CEP112: variants seen among roughly 807,000 people sequenced by gnomAD.
CEP112 encodes the protein centrosomal protein of 112 kDa.
A neutral mutation model predicts 153.0 loss-of-function variants in CEP112; 127 were observed. The ratio of observed to expected loss-of-function variants is 0.83; its 90% CI spans 0.72 to 0.96. CEP112 has a LOEUF of 0.96. CEP112 is among the 40% of genes least tolerant of loss of function. The pLI, the probability that CEP112 is intolerant of heterozygous loss-of-function variation, is 0.00. For missense variants in CEP112, 1,089 were observed against 1,101.2 expected (o/e 0.99, Z 0.16); for synonymous variants, 358 against 374.4 (o/e 0.96, Z 0.51).
chr17:65,750,316 A>G (rs1172955056), intron 22 of CEP112, among the ~76,000 whole-genome samples: 1 of 152,242 alleles, frequency 6.6e-6, no homozygotes, highest in East Asian at 1.9e-4. Context: ...CAAACTGCTT[A>G]CATCACAAAT....
At chr17:65,717,975 TTTCTC>T (rs1046584931) in intron 23 of CEP112, among the ~76,000 whole-genome samples, 4 of 152,290 alleles carry the variant, frequency 2.6e-5, no homozygotes, top group African/African-American at 9.6e-5. Context: ...TCTGATAACT[TTTCTC>T]TATTAATATA....
At position 66,161,383 on chromosome 17, in the gene CEP112, G is replaced by A. The variant is rs549058913; in HGVS notation, c.470+13661C>T. Among the ~76,000 whole-genome samples, 13 of 152,118 alleles carry A rather than the reference G, an allele frequency of 8.5e-5. No homozygotes were observed. In the East Asian group the frequency reaches 1.4e-3, roughly 16 times the overall value. ...TTCTACTATAAAGATACATGCACAC[G>A]TATGTTTATTTCTGCACTGTTCACA... On this transcript the variant is annotated intron_variant, in intron 4 of 26. Transcript: ENST00000535342.
At chr17:66,125,452 T>G (rs551219758) in intron 6 of CEP112, among the ~76,000 whole-genome samples, 2 of 152,282 alleles carry the variant, frequency 1.3e-5, no homozygotes, top group Non-Finnish European at 2.9e-5. Flanking sequence ...AGTTCAAGGC[T>G]GCAGTGAGCA....
intron 17 of CEP112, among the ~76,000 whole-genome samples, chr17:65,998,919 A>G (rs1160489694): frequency 6.6e-6 from 1 of 152,124 alleles, no homozygotes; most frequent in Non-Finnish European, 1.5e-5. Context: ...CTAAATTCAA[A>G]CTGTTCCCAA....
intron 17 of CEP112, among the ~76,000 whole-genome samples, chr17:65,967,713 A>T (rs533100284): frequency 6.6e-6 from 1 of 152,288 alleles, no homozygotes; most frequent in South Asian, 2.1e-4. Flanking sequence ...ATATAAGTAA[A>T]ATTAATGAAA....
chr17:65,971,729 G>T (rs2044180), intron 17 of CEP112, among the ~76,000 whole-genome samples: 62,951 of 151,968 alleles, frequency 0.41, 14,435 homozygotes, highest in East Asian at 0.87. Flanking sequence ...TAAATATATT[G>T]CAGGTATATT....
At position 65,927,637 on chromosome 17, in the gene CEP112, T is replaced by C; in HGVS notation, c.1925A>G (p.Gln642Arg). 1 of 1,602,484 alleles carries C rather than the reference T, an allele frequency of 6.2e-7. No homozygotes were observed. The highest frequency in any genetic ancestry group is 8.5e-7 in the Non-Finnish European group (1 of 1,176,670). The change falls in exon 19 of 27, where the codon CAA (glutamine) becomes CGA (arginine). Residue 642 changes from glutamine to arginine, a missense_variant. By Grantham distance (43) the Gln-to-Arg change is conservative. Coordinates refer to ENST00000535342, the MANE Select transcript of CEP112 (RefSeq NM_001199165.4). ...LTRSKSLREK[Q>R]SKEFLWQLED... is the part of the protein sequence containing the mutation. ...CAGTTGCCATAAAAACTCCTTTGAT[T>C]GTTTCTCACGAAGAGATTTGGATCT...
chr17:65,882,716 A>G (rs2059129083), intron 20 of CEP112, among the ~76,000 whole-genome samples: 2 of 152,242 alleles, frequency 1.3e-5, no homozygotes, highest in African/African-American at 4.8e-5. Flanking sequence ...GTATAGGCTT[A>G]TGTTATACAT....
At chr17:65,669,537 CAG>C (rs1300328282) in intron 24 of CEP112, among the ~76,000 whole-genome samples, 1 of 152,034 alleles carries the variant, frequency 6.6e-6, no homozygotes, top group East Asian at 1.9e-4. Flanking sequence ...TACCAGAAAA[CAG>C]AGATTATTTA....
chr17:66,022,698 G>A (rs1223765073), intron 16 of CEP112, among the ~76,000 whole-genome samples: 5 of 105,070 alleles, frequency 4.8e-5, no homozygotes, highest in Non-Finnish European at 7.2e-5. Context: ...GACAGAACGA[G>A]ACTCCGCCTC....
chr17:66,031,387 A>G (rs1382405393), intron 12 of CEP112, among the ~76,000 whole-genome samples: 2 of 152,088 alleles, frequency 1.3e-5, no homozygotes, highest in Non-Finnish European at 2.9e-5. Context: ...ACCCTACAAG[A>G]GGATATTCTA....
chr17:65,752,406 A>G (rs1314134442), intron 21 of CEP112, among the ~76,000 whole-genome samples: 2 of 152,146 alleles, frequency 1.3e-5, no homozygotes, highest in Non-Finnish European at 2.9e-5. Flanking sequence ...GTTTGCCCAG[A>G]GCTGCATCCT....
At chr17:65,970,768 A>G (rs976963873) in intron 17 of CEP112, among the ~76,000 whole-genome samples, 1 of 47,504 alleles carries the variant, frequency 2.1e-5, no homozygotes, top group African/African-American at 6.1e-5. Context: ...GGTATGTTAC[A>G]TGTTACATGC....
At chr17:65,936,553 A>T (rs1366875062) in intron 18 of CEP112, among the ~76,000 whole-genome samples, 1 of 152,166 alleles carries the variant, frequency 6.6e-6, no homozygotes, top group African/African-American at 2.4e-5. Flanking sequence ...AAAACCCAGA[A>T]TTCAACAACA....
intron 23 of CEP112, among the ~76,000 whole-genome samples, chr17:65,732,567 C>T (rs987275907): frequency 6.6e-6 from 1 of 152,352 alleles, no homozygotes; most frequent in Admixed American, 6.5e-5. Flanking sequence ...CTTCTTCCAA[C>T]AGAAGGCTGT....
intron 9 of CEP112, among the ~76,000 whole-genome samples, chr17:66,068,873 ACTCT>A (rs1240241920): frequency 6.6e-6 from 1 of 152,002 alleles, no homozygotes; most frequent in Admixed American, 6.6e-5. Flanking sequence ...TATATTACTG[ACTCT>A]CTAACATACT....
At chr17:65,710,105 G>GAGA (rs1337122290) in intron 23 of CEP112, among the ~76,000 whole-genome samples, 1 of 152,202 alleles carries the variant, frequency 6.6e-6, no homozygotes, top group Non-Finnish European at 1.5e-5. Flanking sequence ...ATTCAGGTGT[G>GAGA]AGAAGCACTT....
chr17:66,088,069 C>T (rs1244740239), intron 8 of CEP112, among the ~76,000 whole-genome samples: 1 of 151,716 alleles, frequency 6.6e-6, no homozygotes, highest in East Asian at 1.9e-4. Flanking sequence ...TACCAGCAGC[C>T]ACAGCATCCA....
At chr17:65,914,272 T>C (rs2060392296) in intron 19 of CEP112, among the ~76,000 whole-genome samples, 1 of 150,386 alleles carries the variant, frequency 6.6e-6, no homozygotes, top group Non-Finnish European at 1.5e-5. Context: ...TCTAGTATGT[T>C]ACTGCTTTTG....
Sources: gnomAD v4.1 joint callset for allele counts (sites outside exome capture counted in the v4.1 genomes callset) on GRCh38, gnomAD v4.1.1 for gene constraint, MANE v1.5 for transcripts, NCBI Gene and HGNC (gene_info 2026-07-23, HGNC 2026-07-21) for gene names.